The following BCL2 variants were observed in gnomAD, a reference collection of about 807,000 sequenced individuals.
BCL2 encodes the protein BCL2 apoptosis regulator, also known as apoptosis regulator Bcl-2.
In BCL2, 1 loss-of-function variant was observed where a neutral mutation model predicts 14.2. The ratio of observed to expected loss-of-function variants is 0.07; its 90% CI spans 0.02 to 0.33. BCL2 has a LOEUF of 0.33. Among genes scored for constraint, BCL2 ranks in the 10% least tolerant of loss-of-function variants. The pLI is 0.99. For missense variants in BCL2, 247 were observed against 305.9 expected (o/e 0.81, Z 1.44); for synonymous variants, 151 against 137.2 (o/e 1.10, Z -0.70).
chr18:63,140,341 C>T (rs1052135082), intron 2 of BCL2, among the ~76,000 whole-genome samples: 5 of 152,338 alleles, frequency 3.3e-5, no homozygotes, highest in Non-Finnish European at 5.9e-5. Context: ...AAAACTTGTA[C>T]ACAAATGTTC....
intron 2 of BCL2, among the ~76,000 whole-genome samples, chr18:63,137,293 T>C (rs1218381668): frequency 6.6e-6 from 1 of 152,252 alleles, no homozygotes; most frequent in Admixed American, 6.5e-5. Context: ...TTCACAGTAT[T>C]ATACGAAGAT....
At chr18:63,175,265 T>A (rs916068179) in intron 2 of BCL2, among the ~76,000 whole-genome samples, 3 of 152,228 alleles carry the variant, frequency 2.0e-5, no homozygotes, top group African/African-American at 7.2e-5. Context: ...ATTGTTCCAT[T>A]TGTCAATTGA....
chr18:63,134,094 T>C (rs1015947827), intron 2 of BCL2, among the ~76,000 whole-genome samples: 22 of 151,876 alleles, frequency 1.4e-4, no homozygotes, highest in African/African-American at 4.8e-4. Flanking sequence ...CAGAAAAAAA[T>C]AATATAAAGG....
chr18:63,306,639 C>T (rs1309107227), intron 2 of BCL2, among the ~76,000 whole-genome samples: 2 of 152,212 alleles, frequency 1.3e-5, no homozygotes, highest in Admixed American at 1.3e-4. Context: ...CTTCAGTCCC[C>T]TTCCTGGGAA....
intron 2 of BCL2, among the ~76,000 whole-genome samples, chr18:63,288,781 A>G (rs549435792): frequency 6.6e-6 from 1 of 152,358 alleles, no homozygotes; most frequent in East Asian, 1.9e-4. Context: ...ACAGAAGAAC[A>G]ACATAAATAT....
chr18:63,302,929 C>G, intron 2 of BCL2: 1 of 966,692 alleles, frequency 1.0e-6, no homozygotes, highest in Non-Finnish European at 1.2e-6. Context: ...GGAAATAACT[C>G]TCCCTTGATA....
At chr18:63,316,476 T>C (rs1347373754) in intron 2 of BCL2, 1 of 152,238 alleles carries the variant, frequency 6.6e-6, no homozygotes, top group Non-Finnish European at 1.5e-5. Context: ...TAACCAAATA[T>C]TTAACAAAAA....
intron 2 of BCL2, among the ~76,000 whole-genome samples, chr18:63,249,225 CAATTCATGTCT>C (rs1911235647): frequency 1.3e-5 from 2 of 152,152 alleles, no homozygotes; most frequent in Non-Finnish European, 2.9e-5. Context: ...AAATAGTTTC[CAATTCATGTCT>C]AATCACATTT....
chr18:63,246,404 G>A (rs776725945), intron 2 of BCL2, among the ~76,000 whole-genome samples: 1 of 152,192 alleles, frequency 6.6e-6, no homozygotes, highest in Admixed American at 6.5e-5. Context: ...CCAAGACTGT[G>A]TAATTTATAA....
intron 2 of BCL2, among the ~76,000 whole-genome samples, chr18:63,150,373 T>C (rs1914624756): frequency 6.6e-6 from 1 of 152,256 alleles, no homozygotes. Context: ...GCTCCTATCT[T>C]CAATACTGTG....
intron 2 of BCL2, among the ~76,000 whole-genome samples, chr18:63,292,077 A>G (rs547539384): frequency 1.5e-4 from 23 of 152,308 alleles, no homozygotes; most frequent in Middle Eastern, 6.8e-3. Context: ...GACCTAACGA[A>G]TGACTTAATA....
chr18:63,260,245 TAC>T (rs1261306702), intron 2 of BCL2, among the ~76,000 whole-genome samples: 1 of 152,142 alleles, frequency 6.6e-6, no homozygotes, highest in Non-Finnish European at 1.5e-5. Flanking sequence ...ATTCCATACA[TAC>T]ACACACATGC....
intron 2 of BCL2, among the ~76,000 whole-genome samples, chr18:63,292,759 G>GCAT (rs1339610391): frequency 1.3e-5 from 2 of 152,232 alleles, no homozygotes; most frequent in Non-Finnish European, 2.9e-5. Context: ...GGGGTAAAGA[G>GCAT]CATCAGGAAG....
At chr18:63,294,407 A>C (rs1193852287) in intron 2 of BCL2, among the ~76,000 whole-genome samples, 1 of 152,152 alleles carries the variant, frequency 6.6e-6, no homozygotes, top group Admixed American at 6.5e-5. Flanking sequence ...GGTGGCTCAC[A>C]CCTGTAATCC....
chr18:63,161,803 G>A (rs1914928632), intron 2 of BCL2: 1 of 152,202 alleles, frequency 6.6e-6, no homozygotes, highest in Non-Finnish European at 1.5e-5. Context: ...AGCTGTCACA[G>A]GAGGTCTGAG....
chr18:63,256,358 A>G lies in BCL2; in HGVS notation c.585+61724T>C, dbSNP rs562732685. On this transcript the variant is annotated intron_variant, in intron 2 of 2. Transcript: ENST00000333681. ...CAGCTTCCTAAGTAACTGGGACTAC[A>G]GGTGTGCACCACCACACCCAGCTAA... Among the ~76,000 whole-genome samples, 61 of 152,310 alleles carry G rather than the reference A, an allele frequency of 4.0e-4. 1 individual carries two copies. The South Asian group carries it at 0.012, about 30-fold the overall frequency.
rs1913604588 is a variant in BCL2 at position 63,318,932 on chromosome 18, CA to C, written c.-267del. ...TATTATTAGTAAGTATTGTTAATATCAGTCTACTTCCTCTGTGATGCTGAAA... is the reference window on the plus strand; with the variant it reads ...TATTATTAGTAAGTATTGTTAATATCGTCTACTTCCTCTGTGATGCTGAAA... On this transcript the variant is annotated 5_prime_UTR_variant, in exon 2 of 3. It removes the in-frame stop codon of an upstream open reading frame in the 5' UTR. Coordinates refer to ENST00000333681, the MANE Select transcript of BCL2 (RefSeq NM_000633.3). This position sits in a 1 kb window ranked among gnomAD's most constrained non-coding sequence, Gnocchi z 7.4. 1 of 1,364,714 alleles carries C rather than the reference CA, an allele frequency of 7.3e-7. No homozygotes were observed. Among genetic ancestry groups the C allele is most frequent in the East Asian group, 3.1e-5 (1 of 32,332 alleles). The allele number at this position is 1,364,714 out of a possible 1,614,324, so 84.5% of individuals were successfully genotyped here.
chr18:63,186,705 T>C (rs1326815683), intron 2 of BCL2, among the ~76,000 whole-genome samples: 2 of 152,230 alleles, frequency 1.3e-5, no homozygotes, highest in African/African-American at 4.8e-5. Flanking sequence ...ATTTGGATGA[T>C]GCAATAGTCA....
chr18:63,297,409 G>A (rs1162923490), intron 2 of BCL2, among the ~76,000 whole-genome samples: 1 of 152,032 alleles, frequency 6.6e-6, no homozygotes, highest in Non-Finnish European at 1.5e-5. Flanking sequence ...AGTAAACCTG[G>A]TGTGTATTTT....
Sources: allele counts gnomAD v4.1 joint callset (sites outside exome capture counted in the v4.1 genomes callset), GRCh38; gene constraint gnomAD v4.1.1; non-coding constraint Gnocchi (gnomAD v3.1); transcripts MANE v1.5; gene names NCBI Gene and HGNC (gene_info 2026-07-23, HGNC 2026-07-21).